Variants in ADH4 observed in about 807,000 individuals in gnomAD.
The protein encoded by ADH4 is alcohol dehydrogenase 4 (class II), pi polypeptide, also known as all-trans-retinol dehydrogenase [NAD(+)] ADH4.
A neutral mutation model predicts 35.2 loss-of-function variants in ADH4; 31 were observed. The ratio of observed to expected loss-of-function variants is 0.88; its 90% CI spans 0.66 to 1.19. The LOEUF (loss-of-function observed/expected upper bound fraction) is 1.19. Ranked by LOEUF, ADH4 falls within the 50% of genes most tolerant of loss-of-function variation. The probability of loss-of-function intolerance (pLI) is 0.00; values close to 1 mark genes in which losing one functional copy is unlikely to be tolerated. For missense variants in ADH4, 476 were observed against 458.3 expected, an observed-to-expected ratio of 1.04 and a Z score of -0.35; for synonymous variants, 171 against 160.2, an observed-to-expected ratio of 1.07 and a Z score of -0.51.
At chr4:99,143,451 TA>T in intron 1 of ADH4, 1 of 380,948 alleles carries the variant, frequency 2.6e-6, no homozygotes, top group Non-Finnish European at 4.8e-6. Flanking sequence ...GAACAGAAAT[TA>T]AATATTTAGG....
chr4:99,137,902 C>T (rs553075734), intron 4 of ADH4, among the ~76,000 whole-genome samples: 1 of 151,892 alleles, frequency 6.6e-6, no homozygotes, highest in South Asian at 2.1e-4. Flanking sequence ...TCTTAATTAT[C>T]TTAAATTATA....
chr4:99,141,524 T>A lies in ADH4; in HGVS notation c.262+17A>T. ...AATATTGTGACATTTCCATTTTTTC[T>A]GAATAAAATAAAATACCTGGTTTGA... On this transcript the variant is annotated intron_variant, in intron 3 of 8. Coordinates refer to ENST00000265512, the MANE Select transcript of ADH4 (RefSeq NM_000670.5). 1.3e-6 allele frequency: 2 copies of A among 1,597,274 alleles called. No individual in the cohort carries two copies. Among genetic ancestry groups the A allele is most frequent in the Non-Finnish European group, 1.7e-6 (2 of 1,170,718 alleles).
Position 99,126,669 on chromosome 4 carries a change from A to G in ADH4, c.1043T>C (p.Leu348Pro). Residue 348 changes from leucine to proline, a missense_variant, in exon 8 of 9, where the codon CTG (leucine) becomes CCG (proline). Physicochemically the swap from Leu to Pro is moderately conservative, Grantham distance 98 (BLOSUM62 -3). Coordinates refer to ENST00000265512, the MANE Select transcript of ADH4 (RefSeq NM_000670.5). ...CAGGGTATGGGTCACCAGTGCATCC[A>G]GATTGAATTTCTTATTCTTATAGTC... ...VTDYKNKKFN[L>P]DALVTHTLPF... 1.2e-6 allele frequency: 2 copies of G among 1,612,142 alleles called. No homozygotes were observed. The highest frequency in any genetic ancestry group is 1.7e-6 in the Non-Finnish European group (2 of 1,178,516).
chr4:99,132,435 T>G (rs894027583), intron 5 of ADH4, among the ~76,000 whole-genome samples: 1 of 152,208 alleles, frequency 6.6e-6, no homozygotes, highest in African/African-American at 2.4e-5. Context: ...TCTATGAAAC[T>G]TTTCTTGATT....
chr4:99,136,645 T>G lies in ADH4; in HGVS notation c.403A>C (p.Arg135=), dbSNP rs765797721. The G allele has an allele frequency of 6.2e-7, 1 of 1,614,140 alleles. No individual in the cohort carries two copies. The highest frequency in any genetic ancestry group is 8.5e-7 in the Non-Finnish European group (1 of 1,179,998). ...ACTGGTTTTCCTTTGCAGGTAAACC[T>G]GCTGGTTTTGTCTTCCATTAGTTGT... ...DQQLMEDKTS[R]FTCKGKPVYH... is the part of the protein sequence containing the mutation. The change falls in exon 5 of 9, where the codon AGG becomes CGG. Residue 135 remains arginine, a synonymous_variant. Coordinates refer to ENST00000265512, the MANE Select transcript of ADH4 (RefSeq NM_000670.5).
intron 4 of ADH4, among the ~76,000 whole-genome samples, chr4:99,138,604 T>C (rs890175050): frequency 2.0e-5 from 3 of 152,242 alleles, no homozygotes; most frequent in African/African-American, 4.8e-5. Context: ...ATTTCAGTGA[T>C]TTGTTTATGC....
rs1729732833 is a variant in ADH4 at position 99,144,275 on chromosome 4, A to G, written c.-53T>C. ...TTCTTTCTGAGTTAAGAAAGCTTCA[A>G]ACTCCTACCCAGGGAGTTCCGTGTC... is the stretch of plus-strand genomic sequence containing the variant. On this transcript the variant is annotated 5_prime_UTR_variant, in exon 1 of 9. Coordinates refer to ENST00000265512, the MANE Select transcript of ADH4 (RefSeq NM_000670.5). 6.4e-7 allele frequency: 1 copy of G among 1,572,706 alleles called. No individual in the cohort carries two copies. Among genetic ancestry groups the G allele is most frequent in the Non-Finnish European group, 8.8e-7 (1 of 1,142,470 alleles).
At chr4:99,130,783 A>G (rs1029949348) in intron 6 of ADH4, among the ~76,000 whole-genome samples, 1 of 152,194 alleles carries the variant, frequency 6.6e-6, no homozygotes, top group Admixed American at 6.6e-5. Flanking sequence ...AAAAAGCAAC[A>G]AAACAACGAA....
At chr4:99,127,466 C>A in intron 6 of ADH4, 122 bp from the exon 7 acceptor site, 1 of 692,182 alleles carries the variant, frequency 1.4e-6, no homozygotes, top group South Asian at 2.8e-5. Flanking sequence ...TAATGGGATT[C>A]AAGCTAATGA....
Position 99,139,163 on chromosome 4 carries a change from C to A in ADH4, c.263-15G>T. 1.3e-6 allele frequency: 2 copies of A among 1,587,102 alleles called. No individual in the cohort carries two copies. Among genetic ancestry groups the A allele is most frequent in the Non-Finnish European group, 1.7e-6 (2 of 1,156,668 alleles). On this transcript the variant is annotated splice_polypyrimidine_tract_variant and intron_variant, in intron 3 of 8. Coordinates refer to ENST00000265512, the MANE Select transcript of ADH4 (RefSeq NM_000670.5). ...TACTTTGTCACCTAGAAAGAAAGGCCATATGTTGGATGGTGCCTAAGGTGT... is the reference window on the plus strand; with the variant it reads ...TACTTTGTCACCTAGAAAGAAAGGCAATATGTTGGATGGTGCCTAAGGTGT...
intron 3 of ADH4, among the ~76,000 whole-genome samples, chr4:99,139,418 A>G (rs1370172133): frequency 3.3e-5 from 5 of 152,330 alleles, no homozygotes; most frequent in Non-Finnish European, 7.4e-5. Context: ...CTTTGCTGTC[A>G]TTGTGACTCT....
Position 99,127,493 on chromosome 4 carries a change from T to C in ADH4, c.844-149A>G, listed in dbSNP as rs531451135. The C allele has an allele frequency of 2.9e-5, 17 of 579,060 alleles. No homozygotes were observed. The East Asian group carries it at 3.2e-4, about 11-fold the overall frequency. The allele number at this position is 579,060 out of a possible 1,614,324, so 35.9% of individuals were successfully genotyped here. On this transcript the variant is annotated intron_variant, in intron 6 of 8. Coordinates refer to ENST00000265512, the MANE Select transcript of ADH4 (RefSeq NM_000670.5). ...AGCTAATGACATCATAGTATCATTG[T>C]AGATTGAGCCTTGAGGGCCCAGTGT...
rs1729733260 is a variant in ADH4 at position 99,144,281 on chromosome 4, T to C, written c.-59A>G. The stretch of plus-strand genomic sequence containing the variant: ...CTGAGTTAAGAAAGCTTCAAACTCC[T>C]ACCCAGGGAGTTCCGTGTCCTATAA... On this transcript the variant is annotated 5_prime_UTR_variant, in exon 1 of 9. Coordinates refer to ENST00000265512, the MANE Select transcript of ADH4 (RefSeq NM_000670.5). 3 of 1,529,954 alleles carry C rather than the reference T, an allele frequency of 2.0e-6. No homozygotes were observed. In the South Asian group the frequency reaches 3.4e-5, roughly 17 times the overall value. 94.8% of individuals were successfully genotyped at this position (1,529,954 alleles called of 1,614,324 possible).
intron 8 of ADH4, among the ~76,000 whole-genome samples, chr4:99,125,694 G>C (rs899893531): frequency 1.3e-5 from 2 of 152,124 alleles, no homozygotes; most frequent in African/African-American, 4.8e-5. Context: ...TGACACGTTT[G>C]CAAATTGGGG....
intron 3 of ADH4, among the ~76,000 whole-genome samples, chr4:99,140,133 CA>C (rs149335122): frequency 0.038 from 5,807 of 151,932 alleles, 330 homozygotes; most frequent in African/African-American, 0.13. Context: ...TACAAACTTC[CA>C]AAAAAACACT....
intron 4 of ADH4, among the ~76,000 whole-genome samples, chr4:99,137,074 C>G (rs569928278): frequency 6.6e-6 from 1 of 152,078 alleles, no homozygotes; most frequent in African/African-American, 2.4e-5. Flanking sequence ...CTCAGCCTCC[C>G]GAGTAGCTGG....
At chr4:99,129,409 T>A (rs962028289) in intron 6 of ADH4, among the ~76,000 whole-genome samples, 22 of 152,124 alleles carry the variant, frequency 1.4e-4, no homozygotes, top group African/African-American at 4.1e-4. Flanking sequence ...TATAAAAAAA[T>A]TTTGTATGTG....
chr4:99,136,796 T>C, intron 4 of ADH4, 99 bp from the exon 5 acceptor site: 2 of 782,712 alleles, frequency 2.6e-6, no homozygotes, highest in African/African-American at 1.7e-5. Flanking sequence ...TTATATATTT[T>C]TGATGACAAT....
rs1729624968 is a variant in ADH4, at chr4:99,141,602, A to C, written c.201T>G (p.Val67=). 1 of 1,614,178 alleles carries C rather than the reference A, an allele frequency of 6.2e-7. No individual in the cohort carries two copies. ...KFEGLAFPVI[V]GHEAAGIVES... is the part of the protein sequence containing the mutation. ...CCACAATACCTGCAGCCTCATGGCC[A>C]ACGATCACTGGGAAAGCTAGGCCCT... Residue 67 remains valine, a synonymous_variant, in exon 3 of 9, where the codon GTT becomes GTG. Transcript: ENST00000265512.
Sources: allele counts gnomAD v4.1 joint callset (sites outside exome capture counted in the v4.1 genomes callset), GRCh38; gene constraint gnomAD v4.1.1; transcripts MANE v1.5; gene names NCBI Gene and HGNC (gene_info 2026-07-23, HGNC 2026-07-21).